The following SYNE2 variants were observed in gnomAD, a reference collection of about 807,000 sequenced individuals.
SYNE2 encodes the protein spectrin repeat containing nuclear envelope protein 2, also known as nesprin-2.
In SYNE2, 431 loss-of-function variants were observed where a neutral mutation model predicts 856.3. The observed-to-expected ratio is 0.50, with a 90% CI of 0.47 to 0.55. SYNE2 has a LOEUF of 0.55. Among genes scored for constraint, SYNE2 ranks in the 20% least tolerant of loss-of-function variants. The pLI is 0.00. For synonymous variants in SYNE2, 2,923 were observed against 2,872.3 expected (o/e 1.02, Z -0.56); for missense variants, 8,129 against 8,023.2 (o/e 1.01, Z -0.50).
At chr14:63,836,540 T>C (rs1276331447) in intron 1 of SYNE2, among the ~76,000 whole-genome samples, 1 of 152,178 alleles carries the variant, frequency 6.6e-6, no homozygotes, top group Non-Finnish European at 1.5e-5. Flanking sequence ...TTATTTTCTT[T>C]TCATTCTAAT....
intron 2 of SYNE2, among the ~76,000 whole-genome samples, chr14:63,936,885 A>G (rs918076068): frequency 6.6e-5 from 10 of 152,068 alleles, no homozygotes; most frequent in Admixed American, 1.3e-4. Flanking sequence ...GGAGGTGGTG[A>G]GAAGTGGTCA....
intron 1 of SYNE2, among the ~76,000 whole-genome samples, chr14:63,835,998 A>AAC (rs201325032): frequency 1.1e-4 from 16 of 149,732 alleles, no homozygotes; most frequent in Non-Finnish European, 1.9e-4. Context: ...AAAAAAAAAA[A>AAC]GGTGAAAATA....
intron 84 of SYNE2, among the ~76,000 whole-genome samples, chr14:64,148,539 A>G (rs2098209402): frequency 6.6e-6 from 1 of 151,912 alleles, no homozygotes; most frequent in Admixed American, 6.6e-5. Flanking sequence ...CGCCCCCACC[A>G]TCCACACACA....
rs116400941 is a variant in SYNE2, at chr14:63,897,363, T to G, written c.-51-11735T>G. ...CCCACCTTTGTAGTTCTGATATCTATCCATGCTGATATTGGCTGTTCATTC... is the reference window on the plus strand; with the variant it reads ...CCCACCTTTGTAGTTCTGATATCTAGCCATGCTGATATTGGCTGTTCATTC... On this transcript the variant is annotated intron_variant, in intron 1 of 115. Transcript: ENST00000555002. Among the ~76,000 whole-genome samples the G allele has an allele frequency of 5.9e-3, 902 of 152,340 alleles. 15 individuals are homozygous for G. The highest frequency in any genetic ancestry group is 0.021 in the African/African-American group (876 of 41,574).
chr14:64,047,574 G>T lies in SYNE2; in HGVS notation c.7222-426G>T, dbSNP rs984074418. ...CTGTCTAGGCATTTGGCTGCCTCCTGTTGCTATAATTAATATCACAAATCC... is the reference window on the plus strand; with the variant it reads ...CTGTCTAGGCATTTGGCTGCCTCCTTTTGCTATAATTAATATCACAAATCC... On this transcript the variant is annotated intron_variant, in intron 45 of 115. Transcript: ENST00000555002. Among the ~76,000 whole-genome samples the T allele has an allele frequency of 7.9e-5, 12 of 152,318 alleles. 1 individual carries two copies. Among genetic ancestry groups the T allele is most frequent in the Admixed American group, 5.2e-4 (8 of 15,298 alleles).
intron 8 of SYNE2, 29 bp downstream of exon 8, chr14:63,954,944 A>G (rs2096221447): frequency 6.4e-7 from 1 of 1,556,772 alleles, no homozygotes; most frequent in South Asian, 1.1e-5. Flanking sequence ...TTTTAAAACA[A>G]TCTTTAAGGC....
At chr14:63,764,965 A>G (rs1191885414) in intron 1 of SYNE2, among the ~76,000 whole-genome samples, 1 of 152,122 alleles carries the variant, frequency 6.6e-6, no homozygotes, top group Non-Finnish European at 1.5e-5. Context: ...AACAAAACAA[A>G]GTGGACAGTG....
At chr14:63,825,367 A>G (rs544557981) in intron 1 of SYNE2, among the ~76,000 whole-genome samples, 20 of 152,350 alleles carry the variant, frequency 1.3e-4, no homozygotes, top group African/African-American at 4.6e-4. Context: ...GTATCTACAA[A>G]AAAACACCAA....
rs1178929783 is a variant in SYNE2 at position 64,053,099 on chromosome 14, T to C, written c.9186T>C (p.Ile3062=). ...LSKMRAIDLQ[I]KKMTEVVLKA... is the part of the protein sequence containing the mutation. Reference sequence around the variant, plus strand: ...AAATGAGAGCTATTGATTTGCAAATTAAGAAAATGACTGAAGTAGTACTAA... The same window carrying C: ...AAATGAGAGCTATTGATTTGCAAATCAAGAAAATGACTGAAGTAGTACTAA... The change falls in exon 48 of 116, where the codon ATT becomes ATC. Residue 3062 remains isoleucine, a synonymous_variant. Coordinates refer to ENST00000555002, the MANE Select transcript of SYNE2 (RefSeq NM_182914.3). The C allele has an allele frequency of 1.9e-6, 3 of 1,613,852 alleles. No individual in the cohort carries two copies. The Admixed American group carries it at 5.0e-5, about 27-fold the overall frequency.
At chr14:64,079,423 T>C (rs764107037) in intron 55 of SYNE2, among the ~76,000 whole-genome samples, 3 of 152,228 alleles carry the variant, frequency 2.0e-5, no homozygotes, top group Non-Finnish European at 4.4e-5. Flanking sequence ...TTTAATAATT[T>C]GGGGCTTTTA....
At chr14:63,834,859 CG>C (rs201950232) in intron 1 of SYNE2, among the ~76,000 whole-genome samples, 5,115 of 149,446 alleles carry the variant, frequency 0.034, 168 homozygotes, top group East Asian at 0.19. Flanking sequence ...CAGATGGTCT[CG>C]ATCTCTTGAC....
intron 65 of SYNE2, among the ~76,000 whole-genome samples, chr14:64,107,878 C>A (rs989806485): frequency 2.0e-5 from 3 of 152,166 alleles, no homozygotes; most frequent in African/African-American, 7.2e-5. Flanking sequence ...ATGACTACTT[C>A]TTTAATCTGT....
intron 56 of SYNE2, among the ~76,000 whole-genome samples, 186 bp from the exon 57 acceptor site, chr14:64,081,257 G>C (rs950868770): frequency 6.6e-6 from 1 of 152,218 alleles, no homozygotes; most frequent in East Asian, 1.9e-4. Flanking sequence ...CCTATGGTCA[G>C]AGTTAGTCTT....
intron 49 of SYNE2, among the ~76,000 whole-genome samples, chr14:64,056,856 G>C (rs181667012): frequency 1.3e-5 from 2 of 152,180 alleles, no homozygotes; most frequent in Admixed American, 1.3e-4. Flanking sequence ...ATTTTTAGTA[G>C]AGACAGGATT....
In SYNE2 at chr14:64,209,418, C is replaced by T; in HGVS notation, c.18390-10C>T. On this transcript the variant is annotated splice_polypyrimidine_tract_variant and intron_variant, in intron 101 of 115. Transcript: ENST00000555002. ...GGATGGCTTGTGTTAAGTTGCTTTG[C>T]TCCCATCAGAATCGAGGAGACGTGG... 1 of 1,614,222 alleles carries T rather than the reference C, an allele frequency of 6.2e-7. No homozygotes were observed. Among genetic ancestry groups the T allele is most frequent in the African/African-American group, 1.3e-5 (1 of 75,062 alleles).
At chr14:63,839,007 C>T (rs555422925) in intron 1 of SYNE2, among the ~76,000 whole-genome samples, 2 of 152,100 alleles carry the variant, frequency 1.3e-5, no homozygotes, top group East Asian at 1.9e-4. Flanking sequence ...TTCATATCCT[C>T]ACCAATGCTT....
intron 107 of SYNE2, chr14:64,215,624 G>T: frequency 7.3e-6 from 4 of 547,962 alleles, no homozygotes; most frequent in Non-Finnish European, 1.3e-5. Flanking sequence ...CTGTTTTGAT[G>T]ATTTTTTTCT....
intron 110 of SYNE2, among the ~76,000 whole-genome samples, chr14:64,220,124 A>G (rs1003124254): frequency 5.3e-5 from 8 of 152,214 alleles, no homozygotes; most frequent in African/African-American, 1.9e-4. Flanking sequence ...CAGAATAACC[A>G]CATATACTTT....
In SYNE2 at chr14:63,913,160, C is replaced by A. The variant is rs1444716207; in HGVS notation, c.79+3933C>A. Among the ~76,000 whole-genome samples, 4 of 152,148 alleles carry A rather than the reference C, an allele frequency of 2.6e-5. No individual in the cohort carries two copies. In the East Asian group the frequency reaches 7.7e-4, roughly 29 times the overall value. On this transcript the variant is annotated intron_variant, in intron 2 of 115. Coordinates refer to ENST00000555002, the MANE Select transcript of SYNE2 (RefSeq NM_182914.3). Reference sequence around the variant, plus strand: ...ATGATACCCAGGCTGGTTTTGAACTCCTGGACTCAAGTGATCCTCCTACCT... The same window carrying A: ...ATGATACCCAGGCTGGTTTTGAACTACTGGACTCAAGTGATCCTCCTACCT...
Sources: gnomAD v4.1 joint callset for allele counts (sites outside exome capture counted in the v4.1 genomes callset) on GRCh38, gnomAD v4.1.1 for gene constraint, MANE v1.5 for transcripts, NCBI Gene and HGNC (gene_info 2026-07-23, HGNC 2026-07-21) for gene names.